Variants in PDE4DIP observed in about 807,000 individuals in gnomAD.
The protein encoded by PDE4DIP is phosphodiesterase 4D interacting protein, also known as myomegalin.
A neutral mutation model predicts 221.4 loss-of-function variants in PDE4DIP; 59 were observed. The observed-to-expected ratio is 0.27, with a 90% CI of 0.22 to 0.33. PDE4DIP has a LOEUF of 0.33. Among genes scored for constraint, PDE4DIP ranks in the 10% least tolerant of loss-of-function variants. The pLI, the probability that PDE4DIP is intolerant of heterozygous loss-of-function variation, is 1.00. For synonymous variants in PDE4DIP, 404 were observed against 815.9 expected, an observed-to-expected ratio of 0.50 and a Z score of 8.60; for missense variants, 1,036 against 2,154.2, an observed-to-expected ratio of 0.48 and a Z score of 10.28.
intron 29 of PDE4DIP, among the ~76,000 whole-genome samples, 166 bp downstream of exon 32, chr1:149,008,661 T>G (rs1553602032): frequency 6.7e-6 from 1 of 149,078 alleles, no homozygotes; most frequent in African/African-American, 2.4e-5. Flanking sequence ...CTTTCTTCCC[T>G]TTTGGTTGAA....
At chr1:148,893,273 A>G (rs1699477249) in intron 1 of PDE4DIP, among the ~76,000 whole-genome samples, 1 of 126,116 alleles carries the variant, frequency 7.9e-6, no homozygotes, top group Admixed American at 8.1e-5. Flanking sequence ...TTGATGTAAG[A>G]ACGAGGGATT....
At chr1:148,979,806 C>G (rs2060786711) in exon 20 of PDE4DIP, 1 of 1,613,504 alleles carries the variant, frequency 6.2e-7, no homozygotes, top group Admixed American at 1.7e-5. Context: ...AGCAGAGAGA[C>G]AGCTCTATAG....
chr1:148,892,371 G>A (rs1553437936), intron 1 of PDE4DIP, among the ~76,000 whole-genome samples: 1 of 121,888 alleles, frequency 8.2e-6, no homozygotes, highest in Non-Finnish European at 1.6e-5. Context: ...CCGCCCTAGC[G>A]AAAGATCTTT....
chr1:148,944,110 G>T (rs587762269), intron 5 of PDE4DIP, among the ~76,000 whole-genome samples: 2 of 152,202 alleles, frequency 1.3e-5, no homozygotes, highest in Non-Finnish European at 2.9e-5. Context: ...TAGCTTACCA[G>T]CTAATGGGGA....
At chr1:148,929,429 C>T (rs2047351932) in intron 2 of PDE4DIP, 156 bp downstream of exon 5, 1 of 1,130,824 alleles carries the variant, frequency 8.8e-7, no homozygotes, top group Non-Finnish European at 1.2e-6. Context: ...GCTGTGTTTC[C>T]CTTGGGCTCT....
At chr1:148,922,733 G>A (rs1226441062) in intron 1 of PDE4DIP, among the ~76,000 whole-genome samples, 2 of 148,758 alleles carry the variant, frequency 1.3e-5, no homozygotes, top group Non-Finnish European at 3.0e-5. Context: ...GACTACAGGT[G>A]CCCGCCACCA....
In PDE4DIP at chr1:148,979,634, A is replaced by G. The variant is rs2060763239; in HGVS notation, c.2575-103A>G. ...GTATCAAAAGCTTAAGTACTAAGAT[A>G]GTGGGCTTTTTAAGTCATAGTACAT... On this transcript the variant is annotated intron_variant, in intron 19 of 43. Transcript: ENST00000369354. 1.0e-5 allele frequency: 10 copies of G among 954,780 alleles called. No homozygotes were observed. In the Admixed American group the frequency reaches 1.7e-4, roughly 16 times the overall value. 59.1% of individuals were successfully genotyped at this position (954,780 alleles called of 1,614,324 possible). A position where few individuals can be genotyped will look rare whatever the true frequency, so the allele number is the denominator to read the frequency against.
At chr1:148,893,065 CTGTG>C (rs60364665) in intron 1 of PDE4DIP, among the ~76,000 whole-genome samples, 10,837 of 76,956 alleles carry the variant, frequency 0.14, 137 homozygotes, top group East Asian at 0.25. Context: ...ATGTGTGTGT[CTGTG>C]TGTGTGTGTG....
At chr1:148,998,252 A>T in exon 23 of PDE4DIP, 1 of 1,606,632 alleles carries the variant, frequency 6.2e-7, no homozygotes, top group Non-Finnish European at 8.5e-7. Flanking sequence ...CTTCAGGAAG[A>T]AATGCTCCAC....
intron 38 of PDE4DIP, chr1:149,026,045 C>T (rs1553627105): frequency 6.8e-6 from 1 of 147,674 alleles, no homozygotes; most frequent in African/African-American, 2.5e-5. Context: ...AGCCAAGACT[C>T]AGCCCCACTG....
Position 149,005,141 on chromosome 1 carries a change from A to AC in PDE4DIP, c.4119_4120insC (p.Asn1374GlnfsTer14). 6.2e-7 allele frequency: 1 copy of AC among 1,612,292 alleles called. No homozygotes were observed. The highest frequency in any genetic ancestry group is 2.2e-5 in the East Asian group (1 of 44,890). ...TGCAGAATGCCAACAAGGTCATTCAAAACCTCAAGAGCCGGGTCCGGTCCC... is the reference window on the plus strand; with the variant it reads ...TGCAGAATGCCAACAAGGTCATTCAACAACCTCAAGAGCCGGGTCCGGTCCC... On this transcript the variant is annotated frameshift_variant, in exon 27 of 44. Transcript: ENST00000369354. LOFTEE classifies it high-confidence loss of function.
At chr1:148,919,529 T>C (rs1484288171) in intron 1 of PDE4DIP, among the ~76,000 whole-genome samples, 2 of 151,668 alleles carry the variant, frequency 1.3e-5, no homozygotes, top group Non-Finnish European at 2.9e-5. Context: ...ACAGATAGAG[T>C]CCTTTCTGAA....
exon 32 of PDE4DIP, chr1:149,012,707 G>A (rs1553606538): frequency 1.9e-6 from 3 of 1,613,742 alleles, no homozygotes; most frequent in Admixed American, 1.7e-5. Context: ...TGGCTGCTGT[G>A]AGACACCAGT....
At chr1:148,923,736 G>T (rs587608649) in intron 1 of PDE4DIP, among the ~76,000 whole-genome samples, 2 of 146,174 alleles carry the variant, frequency 1.4e-5, no homozygotes, top group South Asian at 2.2e-4. Context: ...GCCTCCCAAA[G>T]TTCTGGGATT....
intron 2 of PDE4DIP, among the ~76,000 whole-genome samples, chr1:148,863,856 G>A (rs4649754): frequency 1.5e-5 from 2 of 134,288 alleles, no homozygotes; most frequent in African/African-American, 3.2e-5. Flanking sequence ...TACTTTTAAC[G>A]GTTCTGTAAT....
Position 148,986,768 on chromosome 1 carries a change from G to A in PDE4DIP, c.2816-5117G>A, listed in dbSNP as rs151247573. ...GCTGTAGGAGAATAGCAGAAAGCAC[G>A]ACAGAGGTTTCAGGAGCCAACTGTG... On this transcript the variant is annotated intron_variant, in intron 21 of 43. Transcript: ENST00000369354. Among the ~76,000 whole-genome samples the A allele has an allele frequency of 8.5e-3, 1,294 of 152,280 alleles. 16 individuals are homozygous for A. The highest frequency in any genetic ancestry group is 0.029 in the African/African-American group (1,205 of 41,556).
chr1:149,010,694 AATGC>A (rs2068353945), intron 31 of PDE4DIP, 99 bp downstream of exon 34: 1 of 1,029,564 alleles, frequency 9.7e-7, no homozygotes, highest in South Asian at 1.5e-5. Flanking sequence ...TAGGGGCCTA[AATGC>A]ATCAAAACCT....
At position 148,953,950 on chromosome 1, in the gene PDE4DIP, G is replaced by A. The variant is rs587692368; in HGVS notation, c.637-6704G>A. 1.5e-4 allele frequency: 215 copies of A among 1,411,326 alleles called. 2 individuals are homozygous for A. In the South Asian group the frequency reaches 2.5e-3, roughly 17 times the overall value. The allele number at this position is 1,411,326 out of a possible 1,614,324, so 87.4% of individuals were successfully genotyped here. Reference sequence around the variant, plus strand: ...AGTGCCTTTCTGATTATAGCTAGCTGGCCTCTGGCTTCACGTGATTTCGGT... The same window carrying A: ...AGTGCCTTTCTGATTATAGCTAGCTAGCCTCTGGCTTCACGTGATTTCGGT... On this transcript the variant is annotated intron_variant, in intron 5 of 43. Coordinates refer to ENST00000369354, the Ensembl canonical transcript of PDE4DIP.
intron 41 of PDE4DIP, among the ~76,000 whole-genome samples, chr1:149,029,362 C>A (rs1209066248): frequency 2.0e-5 from 3 of 152,220 alleles, no homozygotes; most frequent in African/African-American, 7.2e-5. Context: ...TTGCCATCTT[C>A]ATGTTGGCAC....
Sources: allele counts gnomAD v4.1 joint callset (sites outside exome capture counted in the v4.1 genomes callset), GRCh38; gene constraint gnomAD v4.1.1; transcripts MANE v1.5; gene names NCBI Gene and HGNC (gene_info 2026-07-23, HGNC 2026-07-21).